The following PPP6R3 variants were observed in gnomAD, a reference collection of about 807,000 sequenced individuals.
PPP6R3 encodes protein phosphatase 6 regulatory subunit 3, also known as serine/threonine-protein phosphatase 6 regulatory subunit 3.
PPP6R3 carries 38 observed loss-of-function variants against 110.7 expected under a neutral mutation model. That is an observed-to-expected ratio of 0.34 (90% CI 0.26 to 0.45). The LOEUF is 0.45. Among genes scored for constraint, PPP6R3 ranks in the 20% least tolerant of loss-of-function variants. The pLI is 1.00. For synonymous variants in PPP6R3, 369 were observed against 373.5 expected (o/e 0.99, Z 0.14); for missense variants, 870 against 1,062.4 (o/e 0.82, Z 2.52).
intron 1 of PPP6R3, among the ~76,000 whole-genome samples, chr11:68,489,670 A>AT (rs1182356844): frequency 1.4e-5 from 2 of 147,988 alleles, no homozygotes; most frequent in African/African-American, 2.5e-5. Flanking sequence ...CTTCATTAGC[A>AT]TTTTTTTATT....
intron 1 of PPP6R3, among the ~76,000 whole-genome samples, chr11:68,494,931 G>C (rs1592014911): frequency 1.3e-5 from 2 of 152,150 alleles, no homozygotes; most frequent in African/African-American, 4.8e-5. Context: ...GGAGTTATGA[G>C]AAATAAGTGA....
intron 22 of PPP6R3, 103 bp downstream of exon 22, chr11:68,603,595 C>A: frequency 5.9e-6 from 8 of 1,361,196 alleles, no homozygotes; most frequent in Non-Finnish European, 6.1e-6. Flanking sequence ...AATGAATGTT[C>A]AGATACTAGC....
intron 5 of PPP6R3, among the ~76,000 whole-genome samples, chr11:68,550,637 GGGTTT>G (rs1379407478): frequency 1.3e-5 from 2 of 152,154 alleles, no homozygotes; most frequent in Non-Finnish European, 2.9e-5. Flanking sequence ...TTCCTGCAGT[GGGTTT>G]GGTTTTGTAA....
intron 1 of PPP6R3, among the ~76,000 whole-genome samples, chr11:68,502,637 A>T (rs1289848605): frequency 1.3e-5 from 2 of 152,134 alleles, no homozygotes; most frequent in African/African-American, 4.8e-5. Context: ...TGTAAGGCGG[A>T]ACTGACAATG....
At position 68,563,122 on chromosome 11, in the gene PPP6R3, C is replaced by T. The variant is rs139044941; in HGVS notation, c.846-1181C>T. 7.8e-3 allele frequency among the ~76,000 whole-genome samples: 1,169 copies of T among 149,520 alleles called. 20 individuals carry two copies. Among genetic ancestry groups the T allele is most frequent in the African/African-American group, 0.027 (1,105 of 40,760 alleles). On this transcript the variant is annotated intron_variant, in intron 8 of 23. Transcript: ENST00000393800. ...CTCTACCGAAAAAAAAAAAAAAAGCCAGGCATGGTGACATGTGCCTGTAGT... is the reference window on the plus strand; with the variant it reads ...CTCTACCGAAAAAAAAAAAAAAAGCTAGGCATGGTGACATGTGCCTGTAGT...
At chr11:68,511,357 G>A (rs932855551) in intron 1 of PPP6R3, among the ~76,000 whole-genome samples, 7 of 152,062 alleles carry the variant, frequency 4.6e-5, no homozygotes, top group Admixed American at 2.0e-4. Flanking sequence ...GAGCCACCGC[G>A]CCCGGCCCAT....
At chr11:68,498,315 C>G (rs537280951) in intron 1 of PPP6R3, among the ~76,000 whole-genome samples, 1 of 152,186 alleles carries the variant, frequency 6.6e-6, no homozygotes, top group South Asian at 2.1e-4. Flanking sequence ...TTACCCAGCT[C>G]TAACAACCAT....
At chr11:68,548,995 A>G (rs984099355) in intron 5 of PPP6R3, among the ~76,000 whole-genome samples, 3 of 151,412 alleles carry the variant, frequency 2.0e-5, no homozygotes, top group Non-Finnish European at 2.9e-5. Flanking sequence ...GGTTCAAGCA[A>G]CTCTCTTGTC....
intron 2 of PPP6R3, among the ~76,000 whole-genome samples, chr11:68,530,196 G>T (rs1565634681): frequency 1.3e-5 from 2 of 152,080 alleles, no homozygotes; most frequent in African/African-American, 4.8e-5. Flanking sequence ...CTGTTAGACG[G>T]GTCTGACTTG....
Position 68,601,944 on chromosome 11 carries a change from G to GGCTGCCCTGGCAGTGCA in PPP6R3, c.2277_2293dup (p.Pro765LeufsTer31). 6.2e-7 allele frequency: 1 copy of GGCTGCCCTGGCAGTGCA among 1,612,894 alleles called. No individual in the cohort carries two copies. Among genetic ancestry groups the GGCTGCCCTGGCAGTGCA allele is most frequent in the Non-Finnish European group, 8.5e-7 (1 of 1,179,538 alleles). On this transcript the variant is annotated frameshift_variant, in exon 21 of 24. Transcript: ENST00000393800. LOFTEE classifies it high-confidence loss of function. ...CCATGGACCCTCTGACTCCCAGTGC[G>GGCTGCCCTGGCAGTGCA]GCTGCCCTGGCAGTGCAGCCAGAAG...
chr11:68,544,888 A>G lies in PPP6R3; in HGVS notation c.278A>G (p.Asn93Ser). Residue 93 changes from asparagine to serine, a missense_variant, in exon 4 of 24, where the codon AAT (asparagine) becomes AGT (serine). Physicochemically the swap from Asn to Ser is conservative, Grantham distance 46. Coordinates refer to ENST00000393800, the MANE Select transcript of PPP6R3 (RefSeq NM_001164161.2). ...ELLTSDVSQM[N>S]DRLGEDESLL... ...CTCACTTCTGATGTCTCCCAGATGA[A>G]TGATAGACTGGGAGAAGATGAATCC... is the stretch of plus-strand genomic sequence containing the variant. 1 of 1,607,808 alleles carries G rather than the reference A, an allele frequency of 6.2e-7. No homozygotes were observed. Among genetic ancestry groups the G allele is most frequent in the African/African-American group, 1.3e-5 (1 of 74,908 alleles).
At chr11:68,525,660 A>G (rs1306475492) in intron 2 of PPP6R3, among the ~76,000 whole-genome samples, 1 of 152,202 alleles carries the variant, frequency 6.6e-6, no homozygotes, top group Non-Finnish European at 1.5e-5. Flanking sequence ...CGGGCTTTTG[A>G]AAGATTTTTT....
Position 68,613,605 on chromosome 11 carries a change from C to G in PPP6R3, c.*488C>G, listed in dbSNP as rs1239115390. On this transcript the variant is annotated 3_prime_UTR_variant, in exon 24 of 24. Coordinates refer to ENST00000393800, the MANE Select transcript of PPP6R3 (RefSeq NM_001164161.2). ...AGGAGTTGTAGAATGAAAATGCCCT[C>G]TAAGTGTTATTTTGGTTGTTCTAAC... is the stretch of plus-strand genomic sequence containing the variant. The G allele has an allele frequency of 1.0e-6, 1 of 985,750 alleles. No individual in the cohort carries two copies. Among genetic ancestry groups the G allele is most frequent in the Non-Finnish European group, 1.2e-6 (1 of 830,050 alleles). 61.1% of individuals were successfully genotyped at this position (985,750 alleles called of 1,614,324 possible).
rs1361513476 is a variant in PPP6R3, at chr11:68,614,465, T to A, written c.*1348T>A. On this transcript the variant is annotated 3_prime_UTR_variant, in exon 24 of 24. Coordinates refer to ENST00000393800, the MANE Select transcript of PPP6R3 (RefSeq NM_001164161.2). ...TATTCACGTATTTTTACATCATTTG[T>A]TTTTCCTGACCAGTATTTAAAACCA... The A allele has an allele frequency of 2.2e-6, 3 of 1,368,162 alleles. No homozygotes were observed. Among genetic ancestry groups the A allele is most frequent in the Non-Finnish European group, 2.8e-6 (3 of 1,064,474 alleles). 84.8% of individuals were successfully genotyped at this position (1,368,162 alleles called of 1,614,324 possible).
intron 1 of PPP6R3, among the ~76,000 whole-genome samples, chr11:68,518,190 G>T (rs888394547): frequency 1.3e-5 from 2 of 152,148 alleles, no homozygotes; most frequent in African/African-American, 4.8e-5. Flanking sequence ...TACATATTAT[G>T]AATTAATTAC....
At chr11:68,593,704 G>A (rs2099602635) in intron 18 of PPP6R3, among the ~76,000 whole-genome samples, 1 of 152,136 alleles carries the variant, frequency 6.6e-6, no homozygotes, top group East Asian at 1.9e-4. Context: ...TGAAACAAAC[G>A]ATGCAGACAC....
chr11:68,515,717 A>G (rs980353992), intron 1 of PPP6R3, among the ~76,000 whole-genome samples: 5 of 152,146 alleles, frequency 3.3e-5, no homozygotes, highest in Non-Finnish European at 5.9e-5. Flanking sequence ...AATCCTGTCA[A>G]TTCAGGGTCC....
At chr11:68,491,364 G>GT (rs1398360215) in intron 1 of PPP6R3, among the ~76,000 whole-genome samples, 2 of 147,868 alleles carry the variant, frequency 1.4e-5, no homozygotes, top group East Asian at 3.9e-4. Context: ...GTGTGTGTGT[G>GT]TGTGTGTGTG....
chr11:68,484,584 A>G (rs1035406274), intron 1 of PPP6R3, among the ~76,000 whole-genome samples: 1 of 150,688 alleles, frequency 6.6e-6, no homozygotes. Flanking sequence ...TTATATATAT[A>G]TAATATAAGA....
Sources: allele counts gnomAD v4.1 joint callset (sites outside exome capture counted in the v4.1 genomes callset), GRCh38; gene constraint gnomAD v4.1.1; transcripts MANE v1.5; gene names NCBI Gene and HGNC (gene_info 2026-07-23, HGNC 2026-07-21).